The following EVA1A variants were observed in gnomAD, a reference collection of about 807,000 sequenced individuals.
EVA1A encodes protein eva-1 homolog A.
EVA1A carries 7 observed loss-of-function variants against 9.8 expected under a neutral mutation model. The observed-to-expected ratio is 0.71, with a 90% CI of 0.41 to 1.34. The LOEUF (loss-of-function observed/expected upper bound fraction) is 1.34. EVA1A is among the 40% of genes most tolerant of loss of function. The pLI is 0.01. For synonymous variants in EVA1A, 90 were observed against 85.6 expected (o/e 1.05, Z -0.28); for missense variants, 206 against 205.9 (o/e 1.00, Z 0.00).
At chr2:75,539,330 G>A (rs1353041600) in intron 1 of EVA1A, among the ~76,000 whole-genome samples, 1 of 152,150 alleles carries the variant, frequency 6.6e-6, no homozygotes, top group Non-Finnish European at 1.5e-5. Context: ...CCAGTAAACA[G>A]AACATGGGCT....
At chr2:75,555,284 T>G (rs1043027378) in intron 1 of EVA1A, among the ~76,000 whole-genome samples, 4 of 147,040 alleles carry the variant, frequency 2.7e-5, no homozygotes, top group African/African-American at 1.0e-4. Flanking sequence ...TGAAACAGAC[T>G]TTAGCATCAA....
chr2:75,536,527 A>G (rs1558686226), intron 1 of EVA1A, among the ~76,000 whole-genome samples: 1 of 152,130 alleles, frequency 6.6e-6, no homozygotes, highest in East Asian at 1.9e-4. Context: ...AGGGTCTTTG[A>G]AAAAAAATCT....
Position 75,542,873 on chromosome 2 carries a change from T to C in EVA1A, c.-192+17807A>G, listed in dbSNP as rs571805600. Among the ~76,000 whole-genome samples, 145 of 152,174 alleles carry C rather than the reference T, an allele frequency of 9.5e-4. 1 individual carries two copies. Among genetic ancestry groups the C allele is most frequent in the Non-Finnish European group, 1.1e-3 (73 of 68,034 alleles). On this transcript the variant is annotated intron_variant, in intron 1 of 3. Transcript: ENST00000393913. ...GGAAAGGTAGGTTGGAATCATATTG[T>C]GACTCCAGGGTAATAGTTAAAAGTG...
chr2:75,542,646 T>G (rs949560975), intron 1 of EVA1A: 1 of 152,384 alleles, frequency 6.6e-6, no homozygotes, highest in African/African-American at 2.4e-5. Context: ...TCACTCCCTC[T>G]TTTGGACTCC....
At chr2:75,521,545 T>C (rs939974098) in intron 2 of EVA1A, among the ~76,000 whole-genome samples, 1 of 152,242 alleles carries the variant, frequency 6.6e-6, no homozygotes, top group African/African-American at 2.4e-5. Flanking sequence ...CTTGAGGACA[T>C]TAGGCTAAGT....
At chr2:75,559,951 T>C (rs1236632029) in intron 1 of EVA1A, among the ~76,000 whole-genome samples, 1 of 152,136 alleles carries the variant, frequency 6.6e-6, no homozygotes, top group Non-Finnish European at 1.5e-5. Flanking sequence ...GCCAGCACGA[T>C]GTGGTTGGCA....
chr2:75,504,802 G>T (rs1358365461), intron 3 of EVA1A, among the ~76,000 whole-genome samples: 1 of 151,670 alleles, frequency 6.6e-6, no homozygotes, highest in East Asian at 1.9e-4. Flanking sequence ...GTCGGGGGGT[G>T]GGGGGCAAGG....
At chr2:75,506,140 T>A (rs1476985658) in intron 3 of EVA1A, among the ~76,000 whole-genome samples, 1 of 152,242 alleles carries the variant, frequency 6.6e-6, no homozygotes, top group Non-Finnish European at 1.5e-5. Flanking sequence ...TGCCACAGTT[T>A]ACAAAAACTC....
At chr2:75,546,663 G>C (rs1403301093) in intron 1 of EVA1A, among the ~76,000 whole-genome samples, 3 of 152,126 alleles carry the variant, frequency 2.0e-5, no homozygotes, top group Non-Finnish European at 4.4e-5. Flanking sequence ...TTGGGAAAGG[G>C]TCATGTTAGG....
chr2:75,518,793 A>G, intron 2 of EVA1A: 1 of 985,568 alleles, frequency 1.0e-6, no homozygotes, highest in Non-Finnish European at 1.2e-6. Context: ...TGCACTGATG[A>G]CACTTGTGTA....
At chr2:75,544,370 C>T (rs77776868) in intron 1 of EVA1A, among the ~76,000 whole-genome samples, 2 of 152,092 alleles carry the variant, frequency 1.3e-5, no homozygotes, top group Non-Finnish European at 2.9e-5. Context: ...ACATGCTGTA[C>T]CATGGTAAGT....
upstream of EVA1A, among the ~76,000 whole-genome samples, chr2:75,564,663 A>G (rs987658529): frequency 2.0e-5 from 3 of 152,230 alleles, no homozygotes; most frequent in Non-Finnish European, 4.4e-5. Flanking sequence ...CGTGATGACA[A>G]GATTTGATAG....
At chr2:75,513,950 C>A (rs1674914624) in intron 3 of EVA1A, among the ~76,000 whole-genome samples, 4 of 152,158 alleles carry the variant, frequency 2.6e-5, no homozygotes, top group African/African-American at 9.7e-5. Flanking sequence ...ACTCTTAAAC[C>A]ACACAAAATT....
intron 1 of EVA1A, among the ~76,000 whole-genome samples, chr2:75,532,743 G>T (rs1011270943): frequency 6.6e-5 from 10 of 152,214 alleles, no homozygotes; most frequent in African/African-American, 2.4e-4. Context: ...ATCCAAATTT[G>T]TCAAGAAACG....
In EVA1A at chr2:75,527,425, C is replaced by T. The variant is rs76215237; in HGVS notation, c.-191-4938G>A. On this transcript the variant is annotated intron_variant, in intron 1 of 3. Coordinates refer to ENST00000393913, the MANE Select transcript of EVA1A (RefSeq NM_001135032.2). ...GAAATAACTAGATCCTCCTCCCCCT[C>T]CCCCTCTCCACTGGGGTGTCAGAGG... is the stretch of plus-strand genomic sequence containing the variant. 6.9e-3 allele frequency among the ~76,000 whole-genome samples: 1,051 copies of T among 152,318 alleles called. 8 individuals are homozygous for T. The highest frequency in any genetic ancestry group is 0.024 in the African/African-American group (984 of 41,562).
upstream of EVA1A, among the ~76,000 whole-genome samples, chr2:75,564,441 G>A (rs1676987671): frequency 6.6e-6 from 1 of 152,188 alleles, no homozygotes; most frequent in African/African-American, 2.4e-5. Flanking sequence ...TGCAGATGTG[G>A]GCAGGTAATG....
At chr2:75,533,751 C>T (rs897251658) in intron 1 of EVA1A, among the ~76,000 whole-genome samples, 1 of 151,236 alleles carries the variant, frequency 6.6e-6, no homozygotes, top group Admixed American at 6.6e-5. Context: ...GCCTGGGCAA[C>T]ATGGTGAGAC....
chr2:75,551,388 C>T (rs1035805139), intron 1 of EVA1A, among the ~76,000 whole-genome samples: 9 of 152,184 alleles, frequency 5.9e-5, no homozygotes, highest in African/African-American at 1.7e-4. Flanking sequence ...TTTCCAAATC[C>T]GTGAACATTT....
intron 3 of EVA1A, among the ~76,000 whole-genome samples, chr2:75,508,205 A>G (rs931110322): frequency 2.0e-5 from 3 of 152,180 alleles, no homozygotes; most frequent in Admixed American, 6.5e-5. Context: ...AAATCTGGGC[A>G]CCTTGAAAAA....
Sources: gnomAD v4.1 joint callset for allele counts (sites outside exome capture counted in the v4.1 genomes callset) on GRCh38, gnomAD v4.1.1 for gene constraint, MANE v1.5 for transcripts, NCBI Gene and HGNC (gene_info 2026-07-23, HGNC 2026-07-21) for gene names.